Variants in SPTBN1 observed in about 807,000 individuals in gnomAD.
SPTBN1 encodes the protein spectrin beta, non-erythrocytic 1.
SPTBN1 carries 32 observed loss-of-function variants against 266.4 expected under a neutral mutation model. The ratio of observed to expected loss-of-function variants is 0.12; its 90% CI spans 0.09 to 0.16. SPTBN1 has a LOEUF of 0.16. Ranked by LOEUF, SPTBN1 falls within the 10% of genes least tolerant of loss-of-function variation. The pLI is 1.00. For synonymous variants in SPTBN1, 1,336 were observed against 1,162.2 expected (o/e 1.15, Z -3.04); for missense variants, 2,296 against 3,067.1 (o/e 0.75, Z 5.94).
At chr2:54,647,365 G>A in intron 24 of SPTBN1, 104 bp downstream of exon 24, 2 of 1,476,126 alleles carry the variant, frequency 1.4e-6, no homozygotes, top group Non-Finnish European at 1.8e-6. Flanking sequence ...ATCATGACTT[G>A]CTGGTAAGGC....
At chr2:54,538,126 T>TA (rs993465349) in intron 2 of SPTBN1, among the ~76,000 whole-genome samples, 4 of 152,210 alleles carry the variant, frequency 2.6e-5, no homozygotes, top group Admixed American at 1.3e-4. Flanking sequence ...GTTGGTTACT[T>TA]AAAAAAAAGG....
chr2:54,630,080 G>T, intron 15 of SPTBN1, 51 bp downstream of exon 15: 1 of 1,587,062 alleles, frequency 6.3e-7, no homozygotes, highest in East Asian at 2.3e-5. Context: ...GGACTGGGGA[G>T]GGTGAGGTCA....
Position 54,528,987 on chromosome 2 carries a change from TG to T in SPTBN1, c.148+2422del, listed in dbSNP as rs199674248. On this transcript the variant is annotated intron_variant, in intron 2 of 35. Coordinates refer to ENST00000356805, the MANE Select transcript of SPTBN1 (RefSeq NM_003128.3). ...TACTTATTATTTTACTTCCTTATTC[TG>T]TGGGACAGAAGAATCTCTTGAGTCC... Among the ~76,000 whole-genome samples the T allele has an allele frequency of 9.5e-3, 1,447 of 152,370 alleles. 31 individuals carry two copies. The highest frequency in any genetic ancestry group is 0.033 in the African/African-American group (1,372 of 41,586).
chr2:54,482,385 C>G (rs888208642), intron 1 of SPTBN1, among the ~76,000 whole-genome samples: 1 of 150,162 alleles, frequency 6.7e-6, no homozygotes, highest in Non-Finnish European at 1.5e-5. Context: ...AAATTAGAAA[C>G]AATTAGAGAA....
chr2:54,611,474 CTA>C (rs949819201), intron 3 of SPTBN1, among the ~76,000 whole-genome samples: 16 of 151,304 alleles, frequency 1.1e-4, no homozygotes, highest in African/African-American at 3.7e-4. Context: ...TACTCTCTCT[CTA>C]TATATATATT....
Position 54,653,733 on chromosome 2 carries a change from A to C in SPTBN1, c.5702A>C (p.Glu1901Ala). 1 of 1,614,228 alleles carries C rather than the reference A, an allele frequency of 6.2e-7. No individual in the cohort carries two copies. The highest frequency in any genetic ancestry group is 8.5e-7 in the Non-Finnish European group (1 of 1,180,022). ...EAWKSLLDAC[E>A]SRRVRLVDTG... ...TGGAAGTCCCTCCTGGACGCCTGTG[A>C]GAGCCGCAGGGTGCGGCTGGTGGAC... is the stretch of plus-strand genomic sequence containing the variant. Residue 1901 changes from glutamate (E) to alanine (A), a missense_variant, in exon 27 of 36, where the codon GAG (glutamate) becomes GCG (alanine). Transcript: ENST00000356805. The surrounding 1 kb of genome is among the most constrained non-coding windows in gnomAD (Gnocchi z 5.1).
chr2:54,618,220 G>A lies in SPTBN1; in HGVS notation c.763+27G>A, dbSNP rs1677746015. On this transcript the variant is annotated intron_variant, in intron 7 of 35. Coordinates refer to ENST00000356805, the MANE Select transcript of SPTBN1 (RefSeq NM_003128.3). ...TAGGGACTCAAGGGATTACAGGTGG[G>A]ATTTTTAGCATCTGTACCATCCAGG... 1.9e-6 allele frequency: 3 copies of A among 1,573,024 alleles called. No homozygotes were observed. In the African/African-American group the frequency reaches 4.0e-5, roughly 21 times the overall value.
chr2:54,613,684 T>C (rs550417842), intron 4 of SPTBN1, among the ~76,000 whole-genome samples: 2 of 152,190 alleles, frequency 1.3e-5, no homozygotes, highest in Admixed American at 6.5e-5. Context: ...ATTAAAGGAG[T>C]TAATTACAGC....
At chr2:54,466,281 A>G (rs1376558172) in intron 1 of SPTBN1, among the ~76,000 whole-genome samples, 3 of 152,240 alleles carry the variant, frequency 2.0e-5, no homozygotes, top group South Asian at 2.1e-4. Flanking sequence ...AGGATGATAT[A>G]TAAGTACAAC....
chr2:54,498,082 C>T (rs143549172), intron 1 of SPTBN1, among the ~76,000 whole-genome samples: 5 of 152,264 alleles, frequency 3.3e-5, no homozygotes, highest in African/African-American at 1.2e-4. Flanking sequence ...GAGTCCCAAT[C>T]TGAAAAAAAC....
At chr2:54,467,711 A>C (rs898359654) in intron 1 of SPTBN1, among the ~76,000 whole-genome samples, 2 of 152,172 alleles carry the variant, frequency 1.3e-5, no homozygotes, top group Non-Finnish European at 1.5e-5. Context: ...TGATTACAAT[A>C]GTTTTAAAAA....
chr2:54,593,618 G>T (rs1173781075), intron 2 of SPTBN1, among the ~76,000 whole-genome samples: 3 of 151,966 alleles, frequency 2.0e-5, no homozygotes, highest in African/African-American at 7.3e-5. Flanking sequence ...GCCTTTACAT[G>T]GAGAAGTGAG....
chr2:54,591,241 A>G (rs539981931), intron 2 of SPTBN1, among the ~76,000 whole-genome samples: 7 of 152,202 alleles, frequency 4.6e-5, no homozygotes, highest in Non-Finnish European at 1.0e-4. Context: ...TCAATTTCAG[A>G]TTAGTCAGCT....
rs772602038 is a variant in SPTBN1, at chr2:54,621,558, A to T, written c.876+46A>T. ...TGAGTTGTGAGACATAATTAAGGTT[A>T]ATTGAGCCCTCATTCTCCCATGCAC... On this transcript the variant is annotated intron_variant, in intron 8 of 35. Transcript: ENST00000356805. 8.7e-6 allele frequency: 13 copies of T among 1,489,384 alleles called. No individual in the cohort carries two copies. The Admixed American group carries it at 2.2e-4, about 25-fold the overall frequency. 92.3% of individuals were successfully genotyped at this position (1,489,384 alleles called of 1,614,324 possible).
intron 32 of SPTBN1, 180 bp downstream of exon 32, chr2:54,660,179 C>G: frequency 6.6e-7 from 1 of 1,507,702 alleles, no homozygotes; most frequent in Non-Finnish European, 8.9e-7. Flanking sequence ...AAAATTTTTA[C>G]TTAATTCATA....
chr2:54,576,537 C>G (rs1467123178), intron 2 of SPTBN1, among the ~76,000 whole-genome samples: 1 of 152,126 alleles, frequency 6.6e-6, no homozygotes, highest in Non-Finnish European at 1.5e-5. Context: ...CTGACAAATC[C>G]TGGAAGGCCG....
intron 1 of SPTBN1, among the ~76,000 whole-genome samples, chr2:54,509,272 G>T (rs190909748): frequency 1.8e-3 from 277 of 152,298 alleles, no homozygotes; most frequent in African/African-American, 6.3e-3. Flanking sequence ...AGATGTATCC[G>T]GAATAGTGTG....
intron 1 of SPTBN1, among the ~76,000 whole-genome samples, chr2:54,519,901 G>A (rs1361713943): frequency 6.6e-6 from 1 of 152,162 alleles, no homozygotes; most frequent in Non-Finnish European, 1.5e-5. Context: ...GCGAAGGTTT[G>A]TGTCTGGGGC....
At chr2:54,609,745 G>A (rs1677089930) in intron 3 of SPTBN1, among the ~76,000 whole-genome samples, 1 of 152,120 alleles carries the variant, frequency 6.6e-6, no homozygotes, top group African/African-American at 2.4e-5. Context: ...TTAAAACGCA[G>A]CCTCTTACTG....
Sources: allele counts gnomAD v4.1 joint callset (sites outside exome capture counted in the v4.1 genomes callset), GRCh38; gene constraint gnomAD v4.1.1; non-coding constraint Gnocchi (gnomAD v3.1); transcripts MANE v1.5; gene names NCBI Gene and HGNC (gene_info 2026-07-23, HGNC 2026-07-21).